The following MSL2 variants were observed in gnomAD, a reference collection of about 807,000 sequenced individuals.
MSL2 encodes the protein E3 ubiquitin-protein ligase MSL2.
In MSL2, 2 loss-of-function variants were observed where a neutral mutation model predicts 35.8. That is an observed-to-expected ratio of 0.06 (90% CI 0.02 to 0.18). The LOEUF (loss-of-function observed/expected upper bound fraction) is 0.18. Among genes scored for constraint, MSL2 ranks in the 10% least tolerant of loss-of-function variants. MSL2 has a pLI of 1.00. For synonymous variants in MSL2, 296 were observed against 255.7 expected, an observed-to-expected ratio of 1.16 and a Z score of -1.50; for missense variants, 523 against 706.7, an observed-to-expected ratio of 0.74 and a Z score of 2.95.
At chr3:136,187,931 G>C (rs1173379367) in intron 1 of MSL2, among the ~76,000 whole-genome samples, 2 of 151,852 alleles carry the variant, frequency 1.3e-5, no homozygotes, top group African/African-American at 2.4e-5. Context: ...GTGGCCTGTA[G>C]AACATATTTT....
chr3:136,164,771 A>G (rs531964651), intron 1 of MSL2, among the ~76,000 whole-genome samples: 75 of 152,364 alleles, frequency 4.9e-4, no homozygotes, highest in Non-Finnish European at 3.2e-4. Context: ...AGATTCTCCT[A>G]TAAAAACTGT....
Position 136,151,110 on chromosome 3 carries a change from T to C in MSL2, c.*37A>G, listed in dbSNP as rs187847060. ...CATAGCTGCCGTAAAACTGTAGCTA[T>C]TTCCCTACCAGGAGTAGGTTTAAAA... On this transcript the variant is annotated 3_prime_UTR_variant, in exon 2 of 2. Transcript: ENST00000309993. This position sits in a 1 kb window ranked among gnomAD's most constrained non-coding sequence, Gnocchi z 5.2. 19 of 1,589,782 alleles carry C rather than the reference T, an allele frequency of 1.2e-5. No individual in the cohort carries two copies. In the Admixed American group the frequency reaches 2.7e-4, roughly 23 times the overall value.
chr3:136,173,049 G>A (rs1403414394), intron 1 of MSL2, among the ~76,000 whole-genome samples: 1 of 152,130 alleles, frequency 6.6e-6, no homozygotes, highest in Non-Finnish European at 1.5e-5. Context: ...TGTAATCCCA[G>A]CTACTTGGGA....
intron 1 of MSL2, among the ~76,000 whole-genome samples, chr3:136,162,006 C>T (rs1007463125): frequency 1.6e-4 from 24 of 151,670 alleles, no homozygotes; most frequent in African/African-American, 5.8e-4. Flanking sequence ...GGCGTGATCT[C>T]GGCTCACTAC....
chr3:136,183,241 T>C (rs534520574), intron 1 of MSL2, among the ~76,000 whole-genome samples: 4 of 151,894 alleles, frequency 2.6e-5, no homozygotes, highest in South Asian at 2.1e-4. Context: ...ATGATAGAAT[T>C]AGTAAACAAC....
At chr3:136,182,105 C>T (rs1476500244) in intron 1 of MSL2, among the ~76,000 whole-genome samples, 1 of 152,064 alleles carries the variant, frequency 6.6e-6, no homozygotes, top group Non-Finnish European at 1.5e-5. Context: ...TGTTATAACA[C>T]TGTCCAACAG....
Position 136,151,913 on chromosome 3 carries a change from A to G in MSL2, c.968T>C (p.Leu323Pro). 6.2e-7 allele frequency: 1 copy of G among 1,614,208 alleles called. No homozygotes were observed. The highest frequency in any genetic ancestry group is 8.5e-7 in the Non-Finnish European group (1 of 1,180,046). ...HNVFMSTSPA[L>P]HGLSCTAATP... is the part of the protein sequence containing the mutation. ...TGCTGCTGTACATGATAACCCATGA[A>G]GTGCAGGACTGGTGGACATAAAAAC... The change falls in exon 2 of 2, where the codon CTT becomes CCT. Residue 323 changes from leucine to proline, a missense_variant. By Grantham distance (98) the Leu-to-Pro change is moderately conservative. Around this residue, in one of 5 missense-constraint regions of MSL2, gnomAD observed 361 missense variants for 414.6 expected, o/e 0.87. Coordinates refer to ENST00000309993, the MANE Select transcript of MSL2 (RefSeq NM_018133.4). This position sits in a 1 kb window ranked among gnomAD's most constrained non-coding sequence, Gnocchi z 5.2.
chr3:136,193,182 T>G (rs762518473), intron 1 of MSL2, among the ~76,000 whole-genome samples: 1 of 152,212 alleles, frequency 6.6e-6, no homozygotes, highest in Non-Finnish European at 1.5e-5. Context: ...ATTCCATTAT[T>G]TAAAGTCCAG....
chr3:136,193,301 G>A (rs1212276241), intron 1 of MSL2, among the ~76,000 whole-genome samples: 1 of 152,026 alleles, frequency 6.6e-6, no homozygotes, highest in African/African-American at 2.4e-5. Context: ...GTGGTGGTCT[G>A]CACAACTCAA....
In MSL2 at chr3:136,152,016, T is replaced by G. The variant is rs368960110; in HGVS notation, c.865A>C (p.Asn289His). 1 of 1,614,044 alleles carries G rather than the reference T, an allele frequency of 6.2e-7. No homozygotes were observed. The highest frequency in any genetic ancestry group is 1.3e-5 in the African/African-American group (1 of 74,900). The change falls in exon 2 of 2, where the codon AAT becomes CAT. Residue 289 changes from asparagine (N) to histidine (H), a missense_variant. Transcript: ENST00000309993. ...TVSNTEVCCPNLQPNLEATVS... is the reference protein window; with the variant it reads ...TVSNTEVCCPHLQPNLEATVS... ...GTGGCTTCCAAGTTCGGCTGCAAAT[T>G]AGGGCAACAGACCTCTGTATTTGAA...
At chr3:136,155,565 C>G (rs1939495032) in intron 1 of MSL2, 1 of 272,802 alleles carries the variant, frequency 3.7e-6, no homozygotes, top group East Asian at 8.6e-5. Context: ...TCAGGGAGAC[C>G]TGGCCTTCAG....
chr3:136,153,920 T>C (rs1939444989), intron 1 of MSL2, among the ~76,000 whole-genome samples: 1 of 148,678 alleles, frequency 6.7e-6, no homozygotes. Flanking sequence ...CTGTCTCTAC[T>C]AAAAACGCAA....
chr3:136,155,906 G>A (rs1939505857), intron 1 of MSL2: 3 of 565,926 alleles, frequency 5.3e-6, no homozygotes, highest in African/African-American at 1.9e-5. Flanking sequence ...TGTGATGGAT[G>A]AGCACCTCAT....
At chr3:136,159,545 C>A (rs901979589) in intron 1 of MSL2, among the ~76,000 whole-genome samples, 1 of 141,034 alleles carries the variant, frequency 7.1e-6, no homozygotes, top group Admixed American at 7.0e-5. Context: ...TTTTTTTTTG[C>A]ATTTTTAGTA....
chr3:136,170,214 G>A (rs1189847783), intron 1 of MSL2, among the ~76,000 whole-genome samples: 4 of 150,324 alleles, frequency 2.7e-5, no homozygotes, highest in Non-Finnish European at 4.4e-5. Flanking sequence ...TTAGCTGGGC[G>A]TGGTGGTGCA....
At position 136,158,633 on chromosome 3, in the gene MSL2, G is replaced by GA. The variant is rs374868786; in HGVS notation, c.143-5896dup. Among the ~76,000 whole-genome samples the GA allele has an allele frequency of 6.4e-3, 954 of 149,070 alleles. 13 individuals carry two copies. Among genetic ancestry groups the GA allele is most frequent in the African/African-American group, 0.022 (892 of 40,660 alleles). On this transcript the variant is annotated intron_variant, in intron 1 of 1. Coordinates refer to ENST00000309993, the MANE Select transcript of MSL2 (RefSeq NM_018133.4). ...GGTGCAGTAAGGTTCAAAAGGAAAA[G>GA]AAAAAAAAAGGCATCAAGACTAAAA...
chr3:136,151,251 T>C lies in MSL2; in HGVS notation c.1630A>G (p.Ser544Gly), dbSNP rs748042465. The change falls in exon 2 of 2, where the codon AGT becomes GGT. Residue 544 changes from serine to glycine, a missense_variant. By Grantham distance (56) the Ser-to-Gly change is moderately conservative. Transcript: ENST00000309993. This position sits in a 1 kb window ranked among gnomAD's most constrained non-coding sequence, Gnocchi z 5.2. ...IAVRNASTST[S>G]VINVTGSPVT... ...GGGGACCCTGTGACATTTATTACAC[T>C]GGTGCTGGTACTAGCGTTACGCACA... 17 of 1,614,128 alleles carry C rather than the reference T, an allele frequency of 1.1e-5. No individual in the cohort carries two copies. The highest frequency in any genetic ancestry group is 1.4e-5 in the Non-Finnish European group (17 of 1,180,052).
rs913579158 is a variant in MSL2 at position 136,195,617 on chromosome 3, G to C, written c.-504C>G. The C allele has an allele frequency of 1.0e-6, 1 of 980,656 alleles. No homozygotes were observed. Among genetic ancestry groups the C allele is most frequent in the Non-Finnish European group, 1.2e-6 (1 of 825,312 alleles). The allele number at this position is 980,656 out of a possible 1,614,324, so 60.7% of individuals were successfully genotyped here. A position where few individuals can be genotyped will look rare whatever the true frequency, so the allele number is the denominator to read the frequency against. The stretch of plus-strand genomic sequence containing the variant: ...TACAGGGCGCGGAGGCGGCGGCGAC[G>C]GCAAGGACGACGGTCGGGCAGCGGC... On this transcript the variant is annotated 5_prime_UTR_variant, in exon 1 of 2. Transcript: ENST00000309993.
intron 1 of MSL2, among the ~76,000 whole-genome samples, chr3:136,182,559 G>C (rs1330066295): frequency 1.3e-5 from 2 of 152,094 alleles, no homozygotes; most frequent in Non-Finnish European, 2.9e-5. Flanking sequence ...TGAGGGGGGT[G>C]GGGGAGAAAA....
Sources: gnomAD v4.1 joint callset for allele counts (sites outside exome capture counted in the v4.1 genomes callset) on GRCh38, gnomAD v4.1.1 for gene constraint, gnomAD v4.1.1 regional missense constraint, Gnocchi (gnomAD v3.1) non-coding constraint, MANE v1.5 for transcripts, NCBI Gene and HGNC (gene_info 2026-07-23, HGNC 2026-07-21) for gene names.